CCDC170: variants seen among roughly 807,000 people sequenced by gnomAD.
The protein encoded by CCDC170 is coiled-coil domain-containing protein 170.
Under a neutral mutation model 72.6 loss-of-function variants are expected in CCDC170, and 69 were observed. The ratio of observed to expected loss-of-function variants is 0.95; its 90% CI spans 0.78 to 1.16. CCDC170 has a LOEUF of 1.16. Ranked by LOEUF, CCDC170 falls within the 50% of genes most tolerant of loss-of-function variation. The probability of loss-of-function intolerance (pLI) is 0.00; values close to 1 mark genes in which losing one functional copy is unlikely to be tolerated. For synonymous variants in CCDC170, 300 were observed against 303.9 expected, an observed-to-expected ratio of 0.99 and a Z score of 0.13; for missense variants, 852 against 832.5, an observed-to-expected ratio of 1.02 and a Z score of -0.29.
At chr6:151,528,875 G>GA (rs200876752) in intron 1 of CCDC170, among the ~76,000 whole-genome samples, 15,403 of 150,216 alleles carry the variant, frequency 0.1, 793 homozygotes, top group Non-Finnish European at 0.11. Flanking sequence ...ATATAATAAA[G>GA]AAAAAAAAAG....
chr6:151,522,624 A>T (rs1002887566), intron 1 of CCDC170, among the ~76,000 whole-genome samples: 2 of 152,200 alleles, frequency 1.3e-5, no homozygotes, highest in African/African-American at 2.4e-5. Context: ...GGCCACGTGC[A>T]TCAGGGAAAA....
rs1057056216 is a variant in CCDC170 at position 151,619,547 on chromosome 6, A to T, written c.*1400A>T. 1 of 152,188 alleles carries T rather than the reference A, an allele frequency of 6.6e-6. No homozygotes were observed. Among genetic ancestry groups the T allele is most frequent in the African/African-American group, 2.4e-5 (1 of 41,438 alleles). The allele number at this position is 152,188 out of a possible 1,614,324, so 9.4% of individuals were successfully genotyped here. On this transcript the variant is annotated 3_prime_UTR_variant, in exon 11 of 11. Coordinates refer to ENST00000239374, the MANE Select transcript of CCDC170 (RefSeq NM_025059.4). ...AATTAAAGGAAAGGGAAAGAAATAG[A>T]TCTGGTGCACCCGAACATTAGGAGA...
chr6:151,615,632 A>T lies in CCDC170; in HGVS notation c.1900A>T (p.Lys634Ter). 6.2e-7 allele frequency: 1 copy of T among 1,614,108 alleles called. No homozygotes were observed. Residue 634 changes from lysine to a stop codon, truncating the protein, a stop_gained, in exon 10 of 11, where the codon AAG becomes TAG. Transcript: ENST00000239374. LOFTEE classifies it high-confidence loss of function. The part of the protein sequence containing the change: ...NMIEVVTSEM[K>*]TLKKSLEEAE... ...GATAGAAGTGGTAACCAGTGAAATGAAGACACTAAAAAAATCTCTGGAAGA... is the reference window on the plus strand; with the variant it reads ...GATAGAAGTGGTAACCAGTGAAATGTAGACACTAAAAAAATCTCTGGAAGA...
rs568328967 is a variant in CCDC170, at chr6:151,588,055, G to T, written c.1293+1966G>T. On this transcript the variant is annotated intron_variant, in intron 7 of 10. Transcript: ENST00000239374. ...CATGATACTTGGCGAAACCAAAGGTGTGAGATGGCACTGGAGGCAGCTATA... is the reference window on the plus strand; with the variant it reads ...CATGATACTTGGCGAAACCAAAGGTTTGAGATGGCACTGGAGGCAGCTATA... Among the ~76,000 whole-genome samples, 14 of 152,278 alleles carry T rather than the reference G, an allele frequency of 9.2e-5. No homozygotes were observed. In the South Asian group the frequency reaches 2.7e-3, roughly 29 times the overall value.
At chr6:151,495,802 G>A (rs1394339821) in intron 1 of CCDC170, among the ~76,000 whole-genome samples, 2 of 152,120 alleles carry the variant, frequency 1.3e-5, no homozygotes, top group African/African-American at 4.8e-5. Context: ...GGTCCCCTAT[G>A]ACCTTTCATC....
rs12205837 is a variant in CCDC170 at position 151,573,205 on chromosome 6, C to T, written c.806C>T (p.Ala269Val). The T allele has an allele frequency of 0.1, 165,858 of 1,613,622 alleles. 8,867 individuals are homozygous for T. Among genetic ancestry groups the T allele is most frequent in the Non-Finnish European group, 0.11 (130,706 of 1,179,828 alleles). Reference protein sequence around the residue: ...DLLSAVEAKEALEREVKIFQE... With the variant: ...DLLSAVEAKEVLEREVKIFQE... Reference sequence around the variant, plus strand: ...CTCAGTGCTGTAGAAGCAAAAGAAGCTCTTGAAAGGGAAGTTAAGATCTTC... The same window carrying T: ...CTCAGTGCTGTAGAAGCAAAAGAAGTTCTTGAAAGGGAAGTTAAGATCTTC... The change falls in exon 6 of 11, where the codon GCT (alanine) becomes GTT (valine). Residue 269 changes from alanine to valine, a missense_variant. By Grantham distance (64) the Ala-to-Val change is moderately conservative. Coordinates refer to ENST00000239374, the MANE Select transcript of CCDC170 (RefSeq NM_025059.4).
At chr6:151,559,599 T>C (rs74381688) in intron 5 of CCDC170, among the ~76,000 whole-genome samples, 2,813 of 152,312 alleles carry the variant, frequency 0.018, 97 homozygotes, top group African/African-American at 0.064. Context: ...TTAAGAGTTT[T>C]TTTGGTGTCT....
chr6:151,594,969 G>T (rs1474361923), intron 8 of CCDC170, among the ~76,000 whole-genome samples: 1 of 152,154 alleles, frequency 6.6e-6, no homozygotes, highest in South Asian at 2.1e-4. Context: ...AATTTGACAT[G>T]AAGAAGCTTA....
At chr6:151,521,010 G>A (rs980294830) in intron 1 of CCDC170, among the ~76,000 whole-genome samples, 18 of 152,200 alleles carry the variant, frequency 1.2e-4, no homozygotes, top group African/African-American at 4.1e-4. Context: ...TGTCTAGGCA[G>A]CAGGCAAGGT....
chr6:151,494,116 G>A lies in CCDC170; in HGVS notation c.-13G>A. ...GGTTCCGGGTCCGAGCGCGCCCCCG[G>A]GCTCGGGTCGTCATGAGCCTGGACT... On this transcript the variant is annotated 5_prime_UTR_variant, in exon 1 of 11. Coordinates refer to ENST00000239374, the MANE Select transcript of CCDC170 (RefSeq NM_025059.4). The A allele has an allele frequency of 1.3e-6, 2 of 1,497,676 alleles. No homozygotes were observed. The highest frequency in any genetic ancestry group is 1.8e-6 in the Non-Finnish European group (2 of 1,130,598). The allele number at this position is 1,497,676 out of a possible 1,614,324, so 92.8% of individuals were successfully genotyped here.
intron 1 of CCDC170, among the ~76,000 whole-genome samples, chr6:151,528,706 C>T (rs989674040): frequency 8.6e-5 from 13 of 151,764 alleles, no homozygotes; most frequent in African/African-American, 2.2e-4. Flanking sequence ...AATGTGGTGG[C>T]GCATGCCTGT....
intron 5 of CCDC170, among the ~76,000 whole-genome samples, chr6:151,558,867 G>A (rs937075515): frequency 7.9e-5 from 12 of 151,748 alleles, no homozygotes; most frequent in African/African-American, 2.9e-4. Context: ...GGATTGCTTT[G>A]GCTACTTAAG....
chr6:151,541,527 C>T (rs1201281981), intron 3 of CCDC170, among the ~76,000 whole-genome samples: 2 of 151,904 alleles, frequency 1.3e-5, no homozygotes, highest in African/African-American at 4.8e-5. Flanking sequence ...GGATTTGTAT[C>T]TCTTTTGTTT....
At chr6:151,579,177 G>T (rs1418056987) in intron 6 of CCDC170, among the ~76,000 whole-genome samples, 1 of 151,954 alleles carries the variant, frequency 6.6e-6, no homozygotes, top group African/African-American at 2.4e-5. Flanking sequence ...GTTAAGAAAT[G>T]ATCCTAAGAA....
At chr6:151,543,120 G>T (rs1782716555) in intron 3 of CCDC170, among the ~76,000 whole-genome samples, 1 of 152,126 alleles carries the variant, frequency 6.6e-6, no homozygotes, top group African/African-American at 2.4e-5. Context: ...TTACTGAAAT[G>T]ATTCTAATTT....
At chr6:151,611,945 G>A (rs532805662) in intron 9 of CCDC170, among the ~76,000 whole-genome samples, 3 of 152,188 alleles carry the variant, frequency 2.0e-5, no homozygotes, top group African/African-American at 7.2e-5. Flanking sequence ...TCCTGACCTC[G>A]TGATCCACCC....
intron 1 of CCDC170, among the ~76,000 whole-genome samples, chr6:151,529,890 G>A (rs1320300693): frequency 6.6e-6 from 1 of 152,034 alleles, no homozygotes; most frequent in East Asian, 1.9e-4. Context: ...GTGGTGTCTG[G>A]TGAGGGTCAT....
chr6:151,618,021 AATC>A lies in CCDC170; in HGVS notation c.2027_2029del (p.Ile676del), dbSNP rs745466560. ...CCAGCCTTGCTCTTCCTGATTATGA[AATC>A]ATCAAGTGTCTTGAAAGATTGGTCC... On this transcript the variant is annotated inframe_deletion, in exon 11 of 11. Coordinates refer to ENST00000239374, the MANE Select transcript of CCDC170 (RefSeq NM_025059.4). The A allele has an allele frequency of 5.6e-6, 9 of 1,614,130 alleles. No homozygotes were observed. The highest frequency in any genetic ancestry group is 7.6e-6 in the Non-Finnish European group (9 of 1,180,008).
intron 1 of CCDC170, among the ~76,000 whole-genome samples, chr6:151,529,152 G>A (rs185319294): frequency 1.3e-5 from 2 of 152,008 alleles, no homozygotes; most frequent in East Asian, 1.9e-4. Context: ...CCTCCTGCAT[G>A]TGTTTTATGA....
Sources: allele counts gnomAD v4.1 joint callset (sites outside exome capture counted in the v4.1 genomes callset), GRCh38; gene constraint gnomAD v4.1.1; transcripts MANE v1.5; gene names NCBI Gene and HGNC (gene_info 2026-07-23, HGNC 2026-07-21).